Variants in MSL3B observed in about 807,000 individuals in gnomAD.
MSL3B encodes the protein MSL complex subunit 3B.
chr2:233,866,079 A>C, the MSL3B span: 14 of 474,024 alleles, frequency 3.0e-5, no homozygotes, highest in South Asian at 1.9e-4. Flanking sequence ...TTTTACCTGG[A>C]ACTCAGAACA....
At chr2:233,864,875 A>G in the MSL3B span, among the ~76,000 whole-genome samples, 1 of 152,160 alleles carries the variant, frequency 6.6e-6, no homozygotes, top group African/African-American at 2.4e-5. Context: ...TTATCCTTTC[A>G]TGGACATGCA....
At chr2:233,866,903 G>A in the MSL3B span, 5 of 1,481,970 alleles carry the variant, frequency 3.4e-6, no homozygotes, top group Non-Finnish European at 4.7e-6. Context: ...GTAATCAAAG[G>A]TTATTCTTAA....
the MSL3B span, chr2:233,868,354 G>T: frequency 1.7e-4 from 28 of 164,968 alleles, no homozygotes; most frequent in South Asian, 3.7e-3. Flanking sequence ...CTCCGTCGGC[G>T]GCTTGCGTCC....
chr2:233,866,793 T>C, the MSL3B span: 1 of 841,018 alleles, frequency 1.2e-6, no homozygotes, highest in East Asian at 2.4e-5. Flanking sequence ...CTCCTATTAG[T>C]ATTTGTGGCA....
the MSL3B span, chr2:233,867,128 T>C: frequency 1.2e-6 from 1 of 844,422 alleles, no homozygotes; most frequent in Non-Finnish European, 2.1e-6. Flanking sequence ...ATTAATGTAG[T>C]AACAATCATC....
the MSL3B span, chr2:233,866,708 C>T: frequency 3.8e-6 from 3 of 791,774 alleles, no homozygotes; most frequent in Non-Finnish European, 7.0e-6. Flanking sequence ...TGGTTCACCG[C>T]TGGTCGACTG....
chr2:233,866,895 AATC>A, the MSL3B span: 1 of 1,477,564 alleles, frequency 6.8e-7, no homozygotes, highest in Non-Finnish European at 9.5e-7. Flanking sequence ...GGGAGAGTGT[AATC>A]AAAGGTTATT....
At chr2:233,865,289 C>T in the MSL3B span, 1 of 152,276 alleles carries the variant, frequency 6.6e-6, no homozygotes, top group South Asian at 2.1e-4. Flanking sequence ...GGAATACCTA[C>T]TTTTTCAGGG....
chr2:233,866,863 A>G, the MSL3B span: 2 of 1,356,322 alleles, frequency 1.5e-6, no homozygotes, highest in Non-Finnish European at 1.1e-6. Flanking sequence ...GAGCTTGTTC[A>G]TAGGGATAGA....
chr2:233,866,680 G>C, the MSL3B span: 11 of 789,518 alleles, frequency 1.4e-5, no homozygotes. Flanking sequence ...GCTCGGCTTT[G>C]CGCCTTTTAG....
the MSL3B span, chr2:233,867,097 T>G: frequency 9.5e-7 from 1 of 1,055,460 alleles, no homozygotes; most frequent in Non-Finnish European, 1.5e-6. Flanking sequence ...GGCATGGAAG[T>G]TGCACTAACC....
the MSL3B span, chr2:233,866,768 G>C: frequency 1.2e-6 from 1 of 810,832 alleles, no homozygotes; most frequent in Non-Finnish European, 2.2e-6. Context: ...TAAGCTGGGA[G>C]AGAGCTTCTC....
At chr2:233,868,280 AC>A in the MSL3B span, 1 of 317,220 alleles carries the variant, frequency 3.2e-6, no homozygotes, top group South Asian at 3.2e-5. Context: ...CCTACGCGGC[AC>A]CAGGCTGCAC....
chr2:233,865,865 A>AAC, the MSL3B span: 37 of 296,552 alleles, frequency 1.2e-4, no homozygotes, highest in East Asian at 2.3e-3. Context: ...TTTCACTGTG[A>AAC]ACAGTTGCTT....
At chr2:233,866,699 G>C in the MSL3B span, 1 of 790,834 alleles carries the variant, frequency 1.3e-6, no homozygotes, top group Non-Finnish European at 2.3e-6. Flanking sequence ...AGGGGTGGCT[G>C]GTTCACCGCT....
At chr2:233,867,539 G>A in the MSL3B span, 3 of 277,628 alleles carry the variant, frequency 1.1e-5, no homozygotes, top group Admixed American at 1.0e-4. Context: ...GCGGTGGCGC[G>A]GTCTCAGCAC....
chr2:233,866,262 C>G, the MSL3B span: 4 of 725,450 alleles, frequency 5.5e-6, no homozygotes, highest in African/African-American at 1.7e-5. Context: ...TTCAATAAAG[C>G]CTTCAGATTC....
chr2:233,867,501 G>C, the MSL3B span: 1 of 320,874 alleles, frequency 3.1e-6, no homozygotes, highest in African/African-American at 2.3e-5. Context: ...TGTGACAAGA[G>C]TTTCGGTATT....
the MSL3B span, chr2:233,866,463 G>T: frequency 2.4e-6 from 3 of 1,267,380 alleles, no homozygotes; most frequent in Non-Finnish European, 3.5e-6. Context: ...GCAAACACAG[G>T]ACTCCCTTCC....
Sources: allele counts gnomAD v4.1 joint callset (sites outside exome capture counted in the v4.1 genomes callset), GRCh38; gene constraint gnomAD v4.1.1; transcripts MANE v1.5; gene names NCBI Gene and HGNC (gene_info 2026-07-23, HGNC 2026-07-21).